Variants in DAOA observed in about 807,000 individuals in gnomAD.
DAOA encodes the protein D-amino acid oxidase regulator.
A neutral mutation model predicts 16.4 loss-of-function variants in DAOA; 15 were observed. The observed-to-expected ratio is 0.91, with a 90% CI of 0.61 to 1.41. The LOEUF (loss-of-function observed/expected upper bound fraction) is 1.41, where lower values mean the gene tolerates loss of function less well. Ranked by LOEUF, DAOA falls within the 40% of genes most tolerant of loss-of-function variation. The pLI is 0.00. For synonymous variants in DAOA, 75 were observed against 59.1 expected, an observed-to-expected ratio of 1.27 and a Z score of -1.23; for missense variants, 230 against 176.8, an observed-to-expected ratio of 1.30 and a Z score of -1.71.
intron 4 of DAOA, among the ~76,000 whole-genome samples, chr13:105,489,534 A>G (rs1351094735): frequency 6.6e-6 from 1 of 152,234 alleles, no homozygotes; most frequent in African/African-American, 2.4e-5. Flanking sequence ...GCTTCTCCCA[A>G]TAAGTAAAGT....
intron 4 of DAOA, among the ~76,000 whole-genome samples, chr13:105,488,507 A>G (rs564666463): frequency 1.3e-5 from 2 of 152,316 alleles, no homozygotes; most frequent in South Asian, 4.1e-4. Flanking sequence ...CATCTTACGT[A>G]TATATTTCAA....
chr13:105,489,937 C>T lies in DAOA; in HGVS notation c.318C>T (p.Phe106=). The T allele has an allele frequency of 6.2e-7, 1 of 1,613,894 alleles. No individual in the cohort carries two copies. The highest frequency in any genetic ancestry group is 8.5e-7 in the Non-Finnish European group (1 of 1,179,902). Residue 106 remains phenylalanine, a synonymous_variant, in exon 5 of 6, where the codon TTC becomes TTT. Coordinates refer to ENST00000375936, the MANE Select transcript of DAOA (RefSeq NM_172370.5). The part of the protein sequence containing the change: ...EEVSSHVGKV[F]MARNYEFLAY... ...TAAGCAGCCATGTTGGAAAAGTCTT[C>T]ATGGCAAGAAACTATGAGTTCCTTG...
Position 105,467,114 on chromosome 13 carries a change from A to ATTG in DAOA, c.106_107insTTG (p.Lys36delinsIleGlu). The stretch of plus-strand genomic sequence containing the variant: ...TTTTCAAAGGAGCATTCTTCTGAGC[A>ATTG]AATCTGAAAACTCTCTAAACTCTAT... On this transcript the variant is annotated protein_altering_variant, in exon 3 of 6. Coordinates refer to ENST00000375936, the MANE Select transcript of DAOA (RefSeq NM_172370.5). 6.2e-7 allele frequency: 1 copy of ATTG among 1,610,512 alleles called. No individual in the cohort carries two copies. Among genetic ancestry groups the ATTG allele is most frequent in the South Asian group, 1.1e-5 (1 of 90,774 alleles).
chr13:105,479,210 T>G (rs1877544937), intron 4 of DAOA, among the ~76,000 whole-genome samples: 1 of 152,146 alleles, frequency 6.6e-6, no homozygotes. Flanking sequence ...TTTCTTGGTT[T>G]TTTCAAGGGA....
intron 4 of DAOA, among the ~76,000 whole-genome samples, chr13:105,485,820 A>C (rs990972248): frequency 6.6e-6 from 1 of 152,186 alleles, no homozygotes; most frequent in Non-Finnish European, 1.5e-5. Flanking sequence ...TGCCAGCAAC[A>C]CTGGAAGCTA....
At chr13:105,480,582 G>T (rs1877666858) in intron 4 of DAOA, among the ~76,000 whole-genome samples, 1 of 150,714 alleles carries the variant, frequency 6.6e-6, no homozygotes, top group Admixed American at 6.7e-5. Context: ...CATTTGTTAG[G>T]AGAATTGGCT....
rs1215788749 is a variant in DAOA at position 105,489,929 on chromosome 13, A to G, written c.310A>G (p.Lys104Glu). Residue 104 changes from lysine to glutamate, a missense_variant, in exon 5 of 6, where the codon AAA becomes GAA. Transcript: ENST00000375936. ...ELEEVSSHVG[K>E]VFMARNYEFL... The stretch of plus-strand genomic sequence containing the variant: ...TGAAGAAGTAAGCAGCCATGTTGGA[A>G]AAGTCTTCATGGCAAGAAACTATGA... 5 of 1,613,798 alleles carry G rather than the reference A, an allele frequency of 3.1e-6. No individual in the cohort carries two copies. The South Asian group carries it at 4.4e-5, about 14-fold the overall frequency.
chr13:105,482,019 T>C (rs1407187882), intron 4 of DAOA, among the ~76,000 whole-genome samples: 2 of 152,168 alleles, frequency 1.3e-5, no homozygotes, highest in Non-Finnish European at 2.9e-5. Context: ...GGGACTTATA[T>C]GGCAGCAGTC....
chr13:105,472,147 G>A (rs1347327006), intron 3 of DAOA, among the ~76,000 whole-genome samples: 1 of 152,222 alleles, frequency 6.6e-6, no homozygotes, highest in African/African-American at 2.4e-5. Context: ...TTCATCGTGA[G>A]GTTTGGAGCT....
At chr13:105,467,377 T>G (rs1479729776) in intron 3 of DAOA, among the ~76,000 whole-genome samples, 1 of 152,196 alleles carries the variant, frequency 6.6e-6, no homozygotes, top group African/African-American at 2.4e-5. Flanking sequence ...ATATAACTTA[T>G]GAAGAGATCG....
chr13:105,477,047 C>T (rs1397381116), intron 4 of DAOA: 2 of 152,220 alleles, frequency 1.3e-5, no homozygotes, highest in African/African-American at 4.8e-5. Flanking sequence ...CGTCACTCTT[C>T]TCTTACTTTC....
chr13:105,467,100 G>T lies in DAOA; in HGVS notation c.92G>T (p.Ser31Ile), dbSNP rs777995731. The change falls in exon 3 of 6, where the codon AGC becomes ATC. Residue 31 changes from serine to isoleucine, a missense_variant. Transcript: ENST00000375936. Reference sequence around the variant, plus strand: ...ATCTACTTCATAGGTTTTCAAAGGAGCATTCTTCTGAGCAAATCTGAAAAC... The same window carrying T: ...ATCTACTTCATAGGTTTTCAAAGGATCATTCTTCTGAGCAAATCTGAAAAC... Reference protein sequence around the residue: ...GKIYFIGFQRSILLSKSENSL... With the variant: ...GKIYFIGFQRIILLSKSENSL... 1.2e-6 allele frequency: 2 copies of T among 1,610,798 alleles called. No individual in the cohort carries two copies. Among genetic ancestry groups the T allele is most frequent in the Non-Finnish European group, 1.7e-6 (2 of 1,178,066 alleles).
Position 105,473,975 on chromosome 13 carries a change from T to C in DAOA, c.281+1290T>C, listed in dbSNP as rs186009255. On this transcript the variant is annotated intron_variant, in intron 4 of 5. Coordinates refer to ENST00000375936, the MANE Select transcript of DAOA (RefSeq NM_172370.5). Reference sequence around the variant, plus strand: ...AGGCAAGAACATATTGTAGGTATGATTGTGTGAAGTTTCATGCTAGAAGCT... The same window carrying C: ...AGGCAAGAACATATTGTAGGTATGACTGTGTGAAGTTTCATGCTAGAAGCT... Among the ~76,000 whole-genome samples, 22 of 152,184 alleles carry C rather than the reference T, an allele frequency of 1.4e-4. No individual in the cohort carries two copies. The East Asian group carries it at 3.9e-3, about 27-fold the overall frequency.
chr13:105,479,901 A>C (rs891537501), intron 4 of DAOA, among the ~76,000 whole-genome samples: 5 of 152,192 alleles, frequency 3.3e-5, no homozygotes, highest in African/African-American at 1.2e-4. Context: ...GCCATTTAAA[A>C]AAATTATTTT....
intron 4 of DAOA, chr13:105,489,697 T>A (rs1246583930): frequency 1.8e-6 from 2 of 1,096,616 alleles, no homozygotes; most frequent in East Asian, 5.2e-5. Context: ...TATCCAAATA[T>A]GTAGTTGTGG....
At chr13:105,486,411 C>A (rs1878114032) in intron 4 of DAOA, among the ~76,000 whole-genome samples, 1 of 152,054 alleles carries the variant, frequency 6.6e-6, no homozygotes, top group African/African-American at 2.4e-5. Flanking sequence ...GAAACCTCTC[C>A]AGAATATCTG....
At chr13:105,470,287 A>C (rs929774951) in intron 3 of DAOA, among the ~76,000 whole-genome samples, 1 of 152,082 alleles carries the variant, frequency 6.6e-6, no homozygotes, top group African/African-American at 2.4e-5. Flanking sequence ...ATAAAATGCT[A>C]TTCTTTTCCA....
At chr13:105,475,229 A>G (rs1362610994) in intron 4 of DAOA, among the ~76,000 whole-genome samples, 1 of 152,104 alleles carries the variant, frequency 6.6e-6, no homozygotes, top group Non-Finnish European at 1.5e-5. Flanking sequence ...ACGTAATTGG[A>G]TCCATGAATG....
intron 4 of DAOA, among the ~76,000 whole-genome samples, chr13:105,477,787 C>T (rs779242565): frequency 4.5e-4 from 68 of 152,162 alleles, no homozygotes; most frequent in Admixed American, 1.8e-3. Flanking sequence ...AGATATTTAT[C>T]GGGTATCTAC....
Sources: gnomAD v4.1 joint callset for allele counts (sites outside exome capture counted in the v4.1 genomes callset) on GRCh38, gnomAD v4.1.1 for gene constraint, MANE v1.5 for transcripts, NCBI Gene and HGNC (gene_info 2026-07-23, HGNC 2026-07-21) for gene names.